Variants in GOLM2 observed in about 807,000 individuals in gnomAD.
GOLM2 encodes the protein protein GOLM2.
In GOLM2, 26 loss-of-function variants were observed where a neutral mutation model predicts 55.9. The observed-to-expected ratio is 0.47, with a 90% confidence interval of 0.34 to 0.65. The LOEUF (loss-of-function observed/expected upper bound fraction) is 0.65, where lower values mean the gene tolerates loss of function less well. GOLM2 is among the 30% of genes least tolerant of loss of function. GOLM2 has a pLI of 0.01. For synonymous variants in GOLM2, 165 were observed against 194.6 expected (o/e 0.85, Z 1.27); for missense variants, 486 against 531.8 (o/e 0.91, Z 0.85).
At chr15:44,304,259 T>TTTTTTTTTC (rs2078820443) in intron 1 of GOLM2, among the ~76,000 whole-genome samples, 1 of 144,804 alleles carries the variant, frequency 6.9e-6, no homozygotes, top group Non-Finnish European at 1.5e-5. Flanking sequence ...TTTTTTTTTT[T>TTTTTTTTTC]GAGACAGAGT....
At chr15:44,319,117 T>A (rs1460850234) in intron 1 of GOLM2, among the ~76,000 whole-genome samples, 1 of 152,186 alleles carries the variant, frequency 6.6e-6, no homozygotes, top group East Asian at 1.9e-4. Flanking sequence ...ATGATAGCAT[T>A]TATTTTACGG....
At chr15:44,374,507 GA>G (rs145701237) in intron 6 of GOLM2, among the ~76,000 whole-genome samples, 4,606 of 148,424 alleles carry the variant, frequency 0.031, 245 homozygotes, top group African/African-American at 0.11. Flanking sequence ...ATGTTTAAAA[GA>G]AAAAAAAAAT....
chr15:44,314,346 G>T (rs2078894568), intron 1 of GOLM2, among the ~76,000 whole-genome samples: 1 of 152,074 alleles, frequency 6.6e-6, no homozygotes, highest in Non-Finnish European at 1.5e-5. Flanking sequence ...ATCACCTGAG[G>T]TCAGGAGTTC....
intron 1 of GOLM2, among the ~76,000 whole-genome samples, chr15:44,300,481 G>A (rs2141109577): frequency 6.6e-6 from 1 of 152,132 alleles, no homozygotes; most frequent in South Asian, 2.1e-4. Flanking sequence ...AATCTCAGGA[G>A]GTTCCATGAA....
chr15:44,363,881 A>C (rs1259663529), intron 6 of GOLM2, among the ~76,000 whole-genome samples: 1 of 152,120 alleles, frequency 6.6e-6, no homozygotes, highest in Non-Finnish European at 1.5e-5. Flanking sequence ...TGATGAGTTC[A>C]TGTCCTTTGT....
intron 6 of GOLM2, among the ~76,000 whole-genome samples, chr15:44,343,823 CAAAAAAA>C (rs1201462381): frequency 3.0e-5 from 2 of 67,310 alleles, no homozygotes; most frequent in East Asian, 8.7e-4. Context: ...GACTCTGTCT[CAAAAAAA>C]AAAAAAAAGA....
At position 44,414,837 on chromosome 15, in the gene GOLM2, A is replaced by C. The variant is rs761273456; in HGVS notation, c.*1431A>C. 3.9e-5 allele frequency: 6 copies of C among 152,646 alleles called. No individual in the cohort carries two copies. The highest frequency in any genetic ancestry group is 8.8e-5 in the Non-Finnish European group (6 of 68,032). The allele number at this position is 152,646 out of a possible 1,614,324, so 9.5% of individuals were successfully genotyped here. A position where few individuals can be genotyped will look rare whatever the true frequency, so the allele number is the denominator to read the frequency against. On this transcript the variant is annotated 3_prime_UTR_variant, in exon 10 of 10. Coordinates refer to ENST00000299957, the MANE Select transcript of GOLM2 (RefSeq NM_138423.4). Reference sequence around the variant, plus strand: ...ATTTGCTAGACTTACAAATTATTTTAAATGCATTTATCTTTTTTGACACTA... The same window carrying C: ...ATTTGCTAGACTTACAAATTATTTTCAATGCATTTATCTTTTTTGACACTA...
At chr15:44,394,922 A>G (rs909653600) in intron 8 of GOLM2, among the ~76,000 whole-genome samples, 2 of 152,084 alleles carry the variant, frequency 1.3e-5, no homozygotes, top group Non-Finnish European at 2.9e-5. Flanking sequence ...TTTCCTTTTC[A>G]TTCTCTCTAG....
At chr15:44,291,880 T>C (rs978466842) in intron 1 of GOLM2, among the ~76,000 whole-genome samples, 2 of 152,308 alleles carry the variant, frequency 1.3e-5, no homozygotes, top group Admixed American at 1.3e-4. Flanking sequence ...GAAATGTTAG[T>C]GTATCCTCCT....
intron 6 of GOLM2, among the ~76,000 whole-genome samples, chr15:44,350,795 T>C (rs1230501016): frequency 6.6e-6 from 1 of 152,136 alleles, no homozygotes; most frequent in Non-Finnish European, 1.5e-5. Flanking sequence ...GTGGGTTTTA[T>C]CCCAGGGATG....
intron 9 of GOLM2, among the ~76,000 whole-genome samples, chr15:44,407,764 CTTT>C (rs1258115779): frequency 6.8e-6 from 1 of 146,668 alleles, no homozygotes; most frequent in Non-Finnish European, 1.5e-5. Flanking sequence ...AGCTTTCTTT[CTTT>C]TATCTTTTTT....
chr15:44,327,709 CTTT>C (rs2078994277), intron 2 of GOLM2, among the ~76,000 whole-genome samples: 1 of 152,188 alleles, frequency 6.6e-6, no homozygotes, highest in Admixed American at 6.5e-5. Flanking sequence ...GCCTGCATTT[CTTT>C]TGTCTGTAGG....
intron 3 of GOLM2, among the ~76,000 whole-genome samples, chr15:44,329,501 G>A (rs749131413): frequency 5.3e-5 from 8 of 152,050 alleles, no homozygotes; most frequent in South Asian, 4.1e-4. Flanking sequence ...AAGATTTAAC[G>A]TATGTACAGG....
intron 9 of GOLM2, among the ~76,000 whole-genome samples, chr15:44,412,768 C>T (rs956471144): frequency 4.6e-5 from 7 of 151,920 alleles, no homozygotes; most frequent in African/African-American, 1.5e-4. Flanking sequence ...TTTAGGAGGC[C>T]GAGGTGGGCA....
At chr15:44,370,709 T>A (rs2079324002) in intron 6 of GOLM2, among the ~76,000 whole-genome samples, 1 of 152,184 alleles carries the variant, frequency 6.6e-6, no homozygotes, top group Non-Finnish European at 1.5e-5. Flanking sequence ...TTTTTGTGTA[T>A]GTGTGCAGTG....
intron 9 of GOLM2, among the ~76,000 whole-genome samples, chr15:44,405,031 T>C (rs1367112089): frequency 6.6e-6 from 1 of 152,214 alleles, no homozygotes; most frequent in African/African-American, 2.4e-5. Context: ...AGGTGATAAT[T>C]GTCAGAAAAT....
chr15:44,310,566 A>G (rs1360975439), intron 1 of GOLM2, among the ~76,000 whole-genome samples: 1 of 151,028 alleles, frequency 6.6e-6, no homozygotes, highest in Non-Finnish European at 1.5e-5. Context: ...GCACACCTAT[A>G]ATCCCAGCTA....
chr15:44,382,752 C>G (rs2079412488), intron 8 of GOLM2, among the ~76,000 whole-genome samples: 2 of 151,524 alleles, frequency 1.3e-5, no homozygotes, highest in African/African-American at 4.8e-5. Flanking sequence ...GAAATTATTA[C>G]TCTCTACAAT....
intron 6 of GOLM2, among the ~76,000 whole-genome samples, chr15:44,352,098 G>T (rs563774250): frequency 6.6e-6 from 1 of 152,040 alleles, no homozygotes; most frequent in African/African-American, 2.4e-5. Flanking sequence ...ATCATAAAAG[G>T]CCTAGAATAG....
Sources: gnomAD v4.1 joint callset for allele counts (sites outside exome capture counted in the v4.1 genomes callset) on GRCh38, gnomAD v4.1.1 for gene constraint, MANE v1.5 for transcripts, NCBI Gene and HGNC (gene_info 2026-07-23, HGNC 2026-07-21) for gene names.